PLD5: variants seen among roughly 807,000 people sequenced by gnomAD.
PLD5 encodes the protein inactive phospholipase D5.
A neutral mutation model predicts 61.1 loss-of-function variants in PLD5; 36 were observed. The observed-to-expected ratio is 0.59, with a 90% CI of 0.45 to 0.78. PLD5 has a LOEUF of 0.78. Ranked by LOEUF, PLD5 falls within the 30% of genes least tolerant of loss-of-function variation. PLD5 has a pLI of 0.00. For missense variants in PLD5, 515 were observed against 644.4 expected (o/e 0.80, Z 2.17); for synonymous variants, 243 against 242.8 (o/e 1.00, Z -0.01).
intron 1 of PLD5, among the ~76,000 whole-genome samples, chr1:242,514,059 C>T (rs1669022242): frequency 6.6e-6 from 1 of 152,236 alleles, no homozygotes; most frequent in Admixed American, 6.5e-5. Flanking sequence ...TTCCTCAACA[C>T]TGCATGCCAC....
chr1:242,393,684 G>A (rs1001627176), intron 1 of PLD5, among the ~76,000 whole-genome samples: 10 of 102,422 alleles, frequency 9.8e-5, no homozygotes, highest in Middle Eastern at 7.2e-3. Flanking sequence ...GTATATATGT[G>A]TATATATATG....
intron 4 of PLD5, among the ~76,000 whole-genome samples, chr1:242,240,997 T>A (rs78731616): frequency 0.013 from 1,967 of 152,278 alleles, 128 homozygotes; most frequent in Admixed American, 0.11. Flanking sequence ...GAAATTTAGA[T>A]AAACATGATT....
chr1:242,485,713 A>G (rs1667937608), intron 1 of PLD5, among the ~76,000 whole-genome samples: 3 of 152,216 alleles, frequency 2.0e-5, no homozygotes, highest in African/African-American at 7.2e-5. Context: ...GGAAAAAATT[A>G]CTTTAAAGTT....
intron 1 of PLD5, among the ~76,000 whole-genome samples, chr1:242,497,916 A>G (rs984692271): frequency 2.6e-5 from 4 of 152,204 alleles, no homozygotes; most frequent in African/African-American, 9.7e-5. Flanking sequence ...AGCAGAGGGA[A>G]GGTAGTTTGA....
chr1:242,212,893 G>T (rs1056398607), intron 5 of PLD5, among the ~76,000 whole-genome samples: 24 of 152,134 alleles, frequency 1.6e-4, no homozygotes, highest in African/African-American at 4.6e-4. Context: ...ATCTGATTTG[G>T]GTAGAACAGT....
intron 1 of PLD5, among the ~76,000 whole-genome samples, chr1:242,428,569 G>A (rs1458636933): frequency 1.3e-5 from 2 of 152,190 alleles, no homozygotes; most frequent in East Asian, 1.9e-4. Context: ...CATAATGCAT[G>A]ACCTCAATTA....
chr1:242,465,780 A>ATT (rs1197778501), intron 1 of PLD5, among the ~76,000 whole-genome samples: 1 of 152,184 alleles, frequency 6.6e-6, no homozygotes, highest in East Asian at 1.9e-4. Flanking sequence ...TACAAAAAAA[A>ATT]TTAGCCAGGC....
intron 5 of PLD5, chr1:242,177,685 T>C (rs1035431314): frequency 1.3e-5 from 2 of 152,338 alleles, no homozygotes; most frequent in African/African-American, 4.8e-5. Context: ...GAGAATCTCA[T>C]AATTTTCCAT....
At chr1:242,349,008 C>G (rs1323474740) in intron 1 of PLD5, among the ~76,000 whole-genome samples, 7 of 152,114 alleles carry the variant, frequency 4.6e-5, no homozygotes, top group Non-Finnish European at 1.0e-4. Context: ...GAGCCAAGAT[C>G]GCACCACTGC....
intron 3 of PLD5, among the ~76,000 whole-genome samples, chr1:242,271,269 G>T (rs1486270920): frequency 6.8e-6 from 1 of 146,508 alleles, no homozygotes; most frequent in Admixed American, 6.8e-5. Flanking sequence ...CAGGGGAAAA[G>T]GCTGATATAT....
At chr1:242,276,367 T>C (rs1251497692) in intron 3 of PLD5, among the ~76,000 whole-genome samples, 17 of 133,944 alleles carry the variant, frequency 1.3e-4, no homozygotes, top group African/African-American at 4.3e-4. Context: ...TATTTAAATA[T>C]GTATTAATAT....
At chr1:242,138,037 A>G (rs1446558027) in intron 5 of PLD5, among the ~76,000 whole-genome samples, 2 of 152,210 alleles carry the variant, frequency 1.3e-5, no homozygotes, top group Non-Finnish European at 2.9e-5. Flanking sequence ...ACCAAACATT[A>G]CCAGAACAAT....
intron 5 of PLD5, among the ~76,000 whole-genome samples, chr1:242,156,318 G>A (rs1665366510): frequency 6.6e-6 from 1 of 152,154 alleles, no homozygotes; most frequent in African/African-American, 2.4e-5. Context: ...TTGCCAGTCT[G>A]TGTCTTTTAA....
At chr1:242,384,087 T>C (rs1187292094) in intron 1 of PLD5, among the ~76,000 whole-genome samples, 1 of 152,246 alleles carries the variant, frequency 6.6e-6, no homozygotes, top group African/African-American at 2.4e-5. Flanking sequence ...CACTTTGCAA[T>C]TTGCAGAATT....
intron 1 of PLD5, among the ~76,000 whole-genome samples, chr1:242,354,558 C>G (rs935765231): frequency 6.6e-6 from 1 of 152,162 alleles, no homozygotes; most frequent in Non-Finnish European, 1.5e-5. Context: ...TTCTGTCCTA[C>G]AAGATCATGT....
At chr1:242,454,137 C>T (rs1435469215) in intron 1 of PLD5, among the ~76,000 whole-genome samples, 1 of 152,048 alleles carries the variant, frequency 6.6e-6, no homozygotes, top group African/African-American at 2.4e-5. Flanking sequence ...TGAGACCAGC[C>T]TGGTCAGCAT....
rs201444647 is a variant in PLD5 at position 242,395,025 on chromosome 1, G to GATTA, written c.190-46784_190-46783insTAAT. On this transcript the variant is annotated intron_variant, in intron 1 of 9. Transcript: ENST00000536534. ...TATATGAATATATATGAATATATATGTATATATGAATGTATATGTATATAT... is the reference window on the plus strand; with the variant it reads ...TATATGAATATATATGAATATATATGATTATATATATGAATGTATATGTATATAT... Among the ~76,000 whole-genome samples, 86 of 62,044 alleles carry GATTA rather than the reference G, an allele frequency of 1.4e-3. 5 individuals carry two copies. Among genetic ancestry groups the GATTA allele is most frequent in the South Asian group, 3.0e-3 (5 of 1,684 alleles). 40.7% of individuals were successfully genotyped at this position (62,044 alleles called of 152,430 possible). A position where few individuals can be genotyped will look rare whatever the true frequency, so the allele number is the denominator to read the frequency against.
At chr1:242,373,586 G>A (rs538878010) in intron 1 of PLD5, among the ~76,000 whole-genome samples, 17 of 152,282 alleles carry the variant, frequency 1.1e-4, no homozygotes, top group Non-Finnish European at 2.2e-4. Flanking sequence ...TTAAGAAAAC[G>A]TGGCACATAT....
intron 1 of PLD5, among the ~76,000 whole-genome samples, chr1:242,389,622 T>C (rs1431176280): frequency 6.6e-6 from 1 of 151,642 alleles, no homozygotes; most frequent in Non-Finnish European, 1.5e-5. Flanking sequence ...GACGGAGAAA[T>C]AAATATGCCA....
Sources: gnomAD v4.1 joint callset for allele counts (sites outside exome capture counted in the v4.1 genomes callset) on GRCh38, gnomAD v4.1.1 for gene constraint, MANE v1.5 for transcripts, NCBI Gene and HGNC (gene_info 2026-07-23, HGNC 2026-07-21) for gene names.